Variants in FCHSD2 observed in about 807,000 individuals in gnomAD.
FCHSD2 encodes the protein F-BAR and double SH3 domains protein 2.
Under a neutral mutation model 108.1 loss-of-function variants are expected in FCHSD2, and 38 were observed. The ratio of observed to expected loss-of-function variants is 0.35; its 90% CI spans 0.27 to 0.46. The LOEUF is 0.46. FCHSD2 is among the 20% of genes least tolerant of loss of function. The probability of loss-of-function intolerance (pLI) is 1.00; values close to 1 mark genes in which losing one functional copy is unlikely to be tolerated. For synonymous variants in FCHSD2, 279 were observed against 314.7 expected, an observed-to-expected ratio of 0.89 and a Z score of 1.20; for missense variants, 751 against 897.8, an observed-to-expected ratio of 0.84 and a Z score of 2.09.
chr11:72,950,256 T>C (rs959057792), intron 8 of FCHSD2, among the ~76,000 whole-genome samples: 2 of 152,186 alleles, frequency 1.3e-5, no homozygotes, highest in Non-Finnish European at 2.9e-5. Context: ...TTTTCAGATA[T>C]GTAATTTGCA....
At chr11:72,970,562 C>G (rs1368864243) in intron 8 of FCHSD2, among the ~76,000 whole-genome samples, 1 of 152,084 alleles carries the variant, frequency 6.6e-6, no homozygotes, top group East Asian at 1.9e-4. Flanking sequence ...AAAACTATTG[C>G]TAGCACTCTC....
intron 13 of FCHSD2, among the ~76,000 whole-genome samples, chr11:72,851,967 CCTG>C: frequency 6.7e-6 from 1 of 149,260 alleles, no homozygotes; most frequent in South Asian, 2.2e-4. Context: ...GTGTCAACCT[CCTG>C]GGCTCAAGCA....
At chr11:73,032,210 T>C (rs930964415) in intron 3 of FCHSD2, among the ~76,000 whole-genome samples, 1 of 152,156 alleles carries the variant, frequency 6.6e-6, no homozygotes, top group African/African-American at 2.4e-5. Flanking sequence ...TTTTTATTCT[T>C]TATACCACTG....
rs372765515 is a variant in FCHSD2 at position 73,123,341 on chromosome 11, A to G, written c.119+16690T>C. ...ATTTCCTGGAATCCCTGAGGTCAGG[A>G]AAAGTATCTGAAATGCATATCAAAC... is the stretch of plus-strand genomic sequence containing the variant. On this transcript the variant is annotated intron_variant, in intron 2 of 19. Transcript: ENST00000409418. 5.3e-5 allele frequency among the ~76,000 whole-genome samples: 8 copies of G among 152,348 alleles called. No homozygotes were observed. In the East Asian group the frequency reaches 1.5e-3, roughly 29 times the overall value.
chr11:72,952,779 A>G (rs1016494879), intron 8 of FCHSD2, among the ~76,000 whole-genome samples: 2 of 152,240 alleles, frequency 1.3e-5, no homozygotes, highest in African/African-American at 4.8e-5. Context: ...GCACTTACAC[A>G]TATTTACAAT....
chr11:72,927,860 C>CGAAA (rs1364490912), intron 8 of FCHSD2, among the ~76,000 whole-genome samples: 13 of 152,216 alleles, frequency 8.5e-5, no homozygotes, highest in Admixed American at 6.5e-4. Context: ...CAGCTGTTTT[C>CGAAA]AACGGGGAAT....
intron 9 of FCHSD2, among the ~76,000 whole-genome samples, chr11:72,902,923 T>A (rs1345992296): frequency 6.6e-6 from 1 of 152,118 alleles, no homozygotes; most frequent in Non-Finnish European, 1.5e-5. Context: ...AGAAGATAGT[T>A]TTTACACAAA....
At chr11:72,970,666 T>G (rs1482266756) in intron 8 of FCHSD2, among the ~76,000 whole-genome samples, 1 of 152,202 alleles carries the variant, frequency 6.6e-6, no homozygotes, top group African/African-American at 2.4e-5. Flanking sequence ...GAAATGCCAC[T>G]GTCTGCTGCC....
At chr11:73,086,840 A>G (rs984263229) in intron 2 of FCHSD2, among the ~76,000 whole-genome samples, 2 of 152,242 alleles carry the variant, frequency 1.3e-5, no homozygotes, top group African/African-American at 4.8e-5. Flanking sequence ...AGATAAATAC[A>G]ATGTGGTATA....
intron 2 of FCHSD2, among the ~76,000 whole-genome samples, chr11:73,109,392 A>G (rs1297048551): frequency 6.6e-6 from 1 of 152,130 alleles, no homozygotes; most frequent in East Asian, 1.9e-4. Context: ...GTCCTCTTCA[A>G]TTTCTTTCAT....
rs11408216 is a variant in FCHSD2, at chr11:72,959,220, C to CTTTTTTTTTTTTTTTTTTTT, written c.705+24848_705+24867dup. Among the ~76,000 whole-genome samples the CTTTTTTTTTTTTTTTTTTTT allele has an allele frequency of 3.6e-5, 2 of 56,326 alleles. 1 individual carries two copies. The highest frequency in any genetic ancestry group is 1.4e-4 in the African/African-American group (2 of 14,164). 37.0% of individuals were successfully genotyped at this position (56,326 alleles called of 152,430 possible). Reference sequence around the variant, plus strand: ...TTTTCCACTTCATATATCCAGCAGTCTTTTTTTTTTTTTTTTTTTTTTTTT... The same window carrying CTTTTTTTTTTTTTTTTTTTT: ...TTTTCCACTTCATATATCCAGCAGTCTTTTTTTTTTTTTTTTTTTTTTTTTTTTTTTTTTTTTTTTTTTTT... On this transcript the variant is annotated intron_variant, in intron 8 of 19. Transcript: ENST00000409418.
intron 5 of FCHSD2, among the ~76,000 whole-genome samples, chr11:72,992,220 T>C (rs1857430039): frequency 6.6e-6 from 1 of 152,140 alleles, no homozygotes; most frequent in Non-Finnish European, 1.5e-5. Context: ...GTGAAGGACC[T>C]CTTCAAGGAG....
intron 2 of FCHSD2, among the ~76,000 whole-genome samples, chr11:73,103,478 A>T (rs2135535242): frequency 6.6e-6 from 1 of 152,314 alleles, no homozygotes; most frequent in East Asian, 1.9e-4. Context: ...CCCTAGGGTG[A>T]ACCAAATATC....
intron 2 of FCHSD2, among the ~76,000 whole-genome samples, chr11:73,105,447 C>G (rs1350667): frequency 6.6e-6 from 1 of 152,086 alleles, no homozygotes; most frequent in East Asian, 1.9e-4. Context: ...CATTACTTTC[C>G]TAGGGAAGAA....
At chr11:72,991,089 C>A in intron 5 of FCHSD2, among the ~76,000 whole-genome samples, 1 of 152,078 alleles carries the variant, frequency 6.6e-6, no homozygotes, top group South Asian at 2.1e-4. Flanking sequence ...AACACCTCTA[C>A]GCAAATAAAC....
At chr11:72,902,471 C>T (rs1221995253) in intron 10 of FCHSD2, 72 bp downstream of exon 10, 8 of 988,020 alleles carry the variant, frequency 8.1e-6, no homozygotes, top group Middle Eastern at 4.2e-4. Context: ...TCTGTCTATG[C>T]CAAGGGTAAC....
chr11:73,021,360 T>C (rs901919938), intron 3 of FCHSD2, among the ~76,000 whole-genome samples: 11 of 151,944 alleles, frequency 7.2e-5, no homozygotes, highest in African/African-American at 2.7e-4. Context: ...GTATACACCA[T>C]GGAATACTAT....
At position 72,967,614 on chromosome 11, in the gene FCHSD2, G is replaced by A. The variant is rs904384474; in HGVS notation, c.705+16474C>T. ...AGTGGTTGCCAGGAACTAGGGAGTA[G>A]GGAGAACACAAAATGACAGCCAATG... On this transcript the variant is annotated intron_variant, in intron 8 of 19. Coordinates refer to ENST00000409418, the MANE Select transcript of FCHSD2 (RefSeq NM_014824.3). 5.9e-5 allele frequency among the ~76,000 whole-genome samples: 9 copies of A among 152,134 alleles called. 1 individual carries two copies. The highest frequency in any genetic ancestry group is 1.3e-4 in the Non-Finnish European group (9 of 68,034).
At chr11:73,027,333 T>G (rs535621824) in intron 3 of FCHSD2, among the ~76,000 whole-genome samples, 2 of 152,334 alleles carry the variant, frequency 1.3e-5, no homozygotes, top group African/African-American at 4.8e-5. Flanking sequence ...ACAGAGAGAC[T>G]GGCAGCATTT....
Sources: allele counts gnomAD v4.1 joint callset (sites outside exome capture counted in the v4.1 genomes callset), GRCh38; gene constraint gnomAD v4.1.1; transcripts MANE v1.5; gene names NCBI Gene and HGNC (gene_info 2026-07-23, HGNC 2026-07-21).